Variants in NTPCR observed in about 807,000 individuals in gnomAD.
The protein encoded by NTPCR is cancer-related nucleoside-triphosphatase.
NTPCR carries 15 observed loss-of-function variants against 19.5 expected under a neutral mutation model. That is an observed-to-expected ratio of 0.77 (90% CI 0.51 to 1.18). The LOEUF (loss-of-function observed/expected upper bound fraction) is 1.18, where lower values mean the gene tolerates loss of function less well. NTPCR is among the 50% of genes most tolerant of loss of function. The pLI, the probability that NTPCR is intolerant of heterozygous loss-of-function variation, is 0.00. For missense variants in NTPCR, 206 were observed against 240.4 expected (o/e 0.86, Z 0.95); for synonymous variants, 90 against 95.8 (o/e 0.94, Z 0.36).
At position 232,970,049 on chromosome 1, in the gene NTPCR, A is replaced by T; in HGVS notation, c.435A>T (p.Pro145=). Residue 145 remains proline, a synonymous_variant, in exon 4 of 5, where the codon CCA becomes CCT. Transcript: ENST00000366628. ...GGACTATAATCCTTGGCACAATCCC[A>T]GTTCCTAAAGGAAAGCCACTGGCTC... ...TPGTIILGTI[P]VPKGKPLALV... 1 of 1,614,234 alleles carries T rather than the reference A, an allele frequency of 6.2e-7. No homozygotes were observed. The highest frequency in any genetic ancestry group is 8.5e-7 in the Non-Finnish European group (1 of 1,180,034).
rs1669252976 is a variant in NTPCR at position 232,980,449 on chromosome 1, A to G, written c.*2218A>G. ...TCCTTCTTGAGGCTTTAGCATTTTT[A>G]GTGTGTTTTGTGCCCCCAGACCTCA... On this transcript the variant is annotated 3_prime_UTR_variant, in exon 5 of 5. Coordinates refer to ENST00000366628, the MANE Select transcript of NTPCR (RefSeq NM_032324.3). 6.6e-6 allele frequency: 1 copy of G among 152,148 alleles called. No individual in the cohort carries two copies. Among genetic ancestry groups the G allele is most frequent in the Non-Finnish European group, 1.5e-5 (1 of 68,046 alleles). The allele number at this position is 152,148 out of a possible 1,614,324, so 9.4% of individuals were successfully genotyped here.
intron 4 of NTPCR, among the ~76,000 whole-genome samples, chr1:232,972,695 G>A (rs1669017697): frequency 6.6e-6 from 1 of 152,096 alleles, no homozygotes; most frequent in African/African-American, 2.4e-5. Flanking sequence ...TCAAAGTGTT[G>A]GAATTATAGG....
intron 3 of NTPCR, chr1:232,968,601 C>A (rs41271535): frequency 1.3e-5 from 2 of 152,196 alleles, no homozygotes; most frequent in Non-Finnish European, 2.9e-5. Context: ...GCCCGCAGCC[C>A]CGTCTGTCAC....
chr1:232,968,150 T>TACC (rs1000215964), intron 3 of NTPCR: 3 of 152,136 alleles, frequency 2.0e-5, no homozygotes, highest in Non-Finnish European at 4.4e-5. Flanking sequence ...GACAACCATG[T>TACC]ACCTGCCCTA....
chr1:232,959,157 G>C (rs1376953292), intron 3 of NTPCR, among the ~76,000 whole-genome samples: 1 of 152,140 alleles, frequency 6.6e-6, no homozygotes, highest in Non-Finnish European at 1.5e-5. Flanking sequence ...TGGAGGGAGA[G>C]ACCTGAAGGG....
At chr1:232,954,228 C>T (rs1014787427) in intron 1 of NTPCR, among the ~76,000 whole-genome samples, 2 of 152,220 alleles carry the variant, frequency 1.3e-5, no homozygotes, top group Non-Finnish European at 2.9e-5. Flanking sequence ...CACAGTTCTA[C>T]CAGCTGCATG....
Position 232,979,272 on chromosome 1 carries a change from T to C in NTPCR, c.*1041T>C, listed in dbSNP as rs572801191. 6.6e-6 allele frequency: 1 copy of C among 152,180 alleles called. No individual in the cohort carries two copies. The highest frequency in any genetic ancestry group is 2.1e-4 in the South Asian group (1 of 4,824). The allele number at this position is 152,180 out of a possible 1,614,324, so 9.4% of individuals were successfully genotyped here. On this transcript the variant is annotated 3_prime_UTR_variant, in exon 5 of 5. Coordinates refer to ENST00000366628, the MANE Select transcript of NTPCR (RefSeq NM_032324.3). The surrounding 1 kb of genome is among the most constrained non-coding windows in gnomAD (Gnocchi z 5.3). ...CATTTTTGGTGAAGATCTATGAATT[T>C]CCAGGATTTTTTTTTAACAAATTAG...
rs539368774 is a variant in NTPCR at position 232,950,690 on chromosome 1, C to G, written c.-21C>G. 1 of 1,604,410 alleles carries G rather than the reference C, an allele frequency of 6.2e-7. No homozygotes were observed. Among genetic ancestry groups the G allele is most frequent in the African/African-American group, 1.3e-5 (1 of 74,626 alleles). On this transcript the variant is annotated 5_prime_UTR_variant, in exon 1 of 5. Transcript: ENST00000366628. ...ACCTGGACTGCTCCCCTGACCGCAACCCCTACCCCCGCCCACCAGTATGGC... is the reference window on the plus strand; with the variant it reads ...ACCTGGACTGCTCCCCTGACCGCAAGCCCTACCCCCGCCCACCAGTATGGC...
At position 232,955,547 on chromosome 1, in the gene NTPCR, T is replaced by A; in HGVS notation, c.35-10T>A. ...CTTTTCTTCTTTTTTTTTTTTTTTTTTTATTTTAGGAGTTGGAAAAACAAC... is the reference window on the plus strand; with the variant it reads ...CTTTTCTTCTTTTTTTTTTTTTTTTATTATTTTAGGAGTTGGAAAAACAAC... On this transcript the variant is annotated splice_polypyrimidine_tract_variant and intron_variant, in intron 1 of 4. Transcript: ENST00000366628. The A allele has an allele frequency of 4.0e-6, 6 of 1,492,976 alleles. No homozygotes were observed. The highest frequency in any genetic ancestry group is 1.4e-5 in the African/African-American group (1 of 69,626). 92.5% of individuals were successfully genotyped at this position (1,492,976 alleles called of 1,614,324 possible). A position where few individuals can be genotyped will look rare whatever the true frequency, so the allele number is the denominator to read the frequency against.
rs992255403 is a variant in NTPCR, at chr1:232,983,409, A to G, written c.*5178A>G. On this transcript the variant is annotated 3_prime_UTR_variant, in exon 5 of 5. Coordinates refer to ENST00000366628, the MANE Select transcript of NTPCR (RefSeq NM_032324.3). ...ACTTGTAGAAATGAGAAGCTTCAGT[A>G]TAACTCAAAACACTGGACGCAGCAA... 4 of 152,238 alleles carry G rather than the reference A, an allele frequency of 2.6e-5. No homozygotes were observed. The highest frequency in any genetic ancestry group is 4.4e-5 in the Non-Finnish European group (3 of 68,048). 9.4% of individuals were successfully genotyped at this position (152,238 alleles called of 1,614,324 possible).
In NTPCR at chr1:232,983,474, C is replaced by T. The variant is rs1209954353; in HGVS notation, c.*5243C>T. The T allele has an allele frequency of 1.3e-5, 2 of 152,184 alleles. No individual in the cohort carries two copies. Among genetic ancestry groups the T allele is most frequent in the African/African-American group, 4.8e-5 (2 of 41,444 alleles). 9.4% of individuals were successfully genotyped at this position (152,184 alleles called of 1,614,324 possible). A position where few individuals can be genotyped will look rare whatever the true frequency, so the allele number is the denominator to read the frequency against. On this transcript the variant is annotated 3_prime_UTR_variant, in exon 5 of 5. Transcript: ENST00000366628. ...TTAATTTCAAAAACAAAGGTGTGTG[C>T]GATGTTGTGTGCACAGTAAGGGTTG...
intron 3 of NTPCR, among the ~76,000 whole-genome samples, chr1:232,960,875 A>T (rs1668653379): frequency 6.6e-6 from 1 of 152,234 alleles, no homozygotes; most frequent in Non-Finnish European, 1.5e-5. Flanking sequence ...TAAAAAAATT[A>T]TAAAAAATGT....
Position 232,980,636 on chromosome 1 carries a change from T to G in NTPCR, c.*2405T>G, listed in dbSNP as rs767927109. 7 of 152,246 alleles carry G rather than the reference T, an allele frequency of 4.6e-5. No individual in the cohort carries two copies. The highest frequency in any genetic ancestry group is 1.0e-4 in the Non-Finnish European group (7 of 68,046). The allele number at this position is 152,246 out of a possible 1,614,324, so 9.4% of individuals were successfully genotyped here. ...CCCTGTATTGTAAGGCAATGACATT[T>G]AATGAAGGATAAGATGAATTCACAG... On this transcript the variant is annotated 3_prime_UTR_variant, in exon 5 of 5. Transcript: ENST00000366628.
Position 232,969,924 on chromosome 1 carries a change from G to A in NTPCR, c.310G>A (p.Gly104Ser). The A allele has an allele frequency of 6.2e-7, 1 of 1,614,056 alleles. No homozygotes were observed. Among genetic ancestry groups the A allele is most frequent in the Non-Finnish European group, 8.5e-7 (1 of 1,179,956 alleles). Reference protein sequence around the residue: ...PVLRNADCSSGPGQRVCVIDE... With the variant: ...PVLRNADCSSSPGQRVCVIDE... ...TCATTCTCAGGCCGACTGCAGCAGT[G>A]GCCCAGGGCAAAGAGTGTGCGTCAT... The change falls in exon 4 of 5, where the codon GGC becomes AGC. Residue 104 changes from glycine (G) to serine (S), a missense_variant. Transcript: ENST00000366628.
At chr1:232,976,526 T>A in intron 4 of NTPCR, 1 of 1,531,248 alleles carries the variant, frequency 6.5e-7, no homozygotes, top group East Asian at 2.5e-5. Flanking sequence ...ATTCCTTGAA[T>A]GCAAACAACA....
intron 4 of NTPCR, among the ~76,000 whole-genome samples, chr1:232,970,710 ATTATT>A (rs1668951841): frequency 6.6e-6 from 1 of 152,238 alleles, no homozygotes; most frequent in African/African-American, 2.4e-5. Flanking sequence ...TTTAAATTGA[ATTATT>A]TATTTAATCA....
At position 232,983,323 on chromosome 1, in the gene NTPCR, T is replaced by C. The variant is rs1354897653; in HGVS notation, c.*5092T>C. Reference sequence around the variant, plus strand: ...AGCAAGGATACAGGTTCCTGGGGTCTTGAAGATGGGAAAAGTTGTCTCAGA... The same window carrying C: ...AGCAAGGATACAGGTTCCTGGGGTCCTGAAGATGGGAAAAGTTGTCTCAGA... On this transcript the variant is annotated 3_prime_UTR_variant, in exon 5 of 5. Transcript: ENST00000366628. The C allele has an allele frequency of 6.6e-6, 1 of 152,238 alleles. No homozygotes were observed. The highest frequency in any genetic ancestry group is 2.4e-5 in the African/African-American group (1 of 41,462). The allele number at this position is 152,238 out of a possible 1,614,324, so 9.4% of individuals were successfully genotyped here.
chr1:232,968,953 G>A (rs547197124), intron 3 of NTPCR: 1 of 152,350 alleles, frequency 6.6e-6, no homozygotes, highest in Admixed American at 6.5e-5. Flanking sequence ...GAGGACATGT[G>A]TGTTAGTTAT....
Position 232,978,297 on chromosome 1 carries a change from C to T in NTPCR, c.*66C>T. The T allele has an allele frequency of 7.3e-7, 1 of 1,367,240 alleles. No homozygotes were observed. Among genetic ancestry groups the T allele is most frequent in the Non-Finnish European group, 1.0e-6 (1 of 961,054 alleles). 84.7% of individuals were successfully genotyped at this position (1,367,240 alleles called of 1,614,324 possible). A position where few individuals can be genotyped will look rare whatever the true frequency, so the allele number is the denominator to read the frequency against. ...TCAAGAGGAGCCTGATGGAGCCCTGCCTGTCGAGGCTGTATGCCTATGGGG... is the reference window on the plus strand; with the variant it reads ...TCAAGAGGAGCCTGATGGAGCCCTGTCTGTCGAGGCTGTATGCCTATGGGG... On this transcript the variant is annotated 3_prime_UTR_variant, in exon 5 of 5. Transcript: ENST00000366628.
Sources: allele counts gnomAD v4.1 joint callset (sites outside exome capture counted in the v4.1 genomes callset), GRCh38; gene constraint gnomAD v4.1.1; non-coding constraint Gnocchi (gnomAD v3.1); transcripts MANE v1.5; gene names NCBI Gene and HGNC (gene_info 2026-07-23, HGNC 2026-07-21).